Variants in SSB observed in about 807,000 individuals in gnomAD.
SSB encodes small RNA binding exonuclease protection factor La.
SSB carries 17 observed loss-of-function variants against 52.9 expected under a neutral mutation model. The ratio of observed to expected loss-of-function variants is 0.32; its 90% confidence interval spans 0.22 to 0.48. The LOEUF (loss-of-function observed/expected upper bound fraction) is 0.48, where lower values mean the gene tolerates loss of function less well. SSB is among the 20% of genes least tolerant of loss of function. The probability of loss-of-function intolerance (pLI) is 0.99; values close to 1 mark genes in which losing one functional copy is unlikely to be tolerated. For missense variants in SSB, 314 were observed against 463.6 expected (o/e 0.68, Z 2.96); for synonymous variants, 111 against 152.1 (o/e 0.73, Z 1.99).
At position 169,802,415 on chromosome 2, in the gene SSB, C is replaced by CT. The variant is rs753585547; in HGVS notation, c.66+1404dup. On this transcript the variant is annotated intron_variant, in intron 2 of 11. Coordinates refer to ENST00000260956, the MANE Select transcript of SSB (RefSeq NM_003142.5). ...GGTTTTTCTGCAATTCTCAGAACTGCTTTTTTTTTTTTTTTAAGCTGCACG... is the reference window on the plus strand; with the variant it reads ...GGTTTTTCTGCAATTCTCAGAACTGCTTTTTTTTTTTTTTTTAAGCTGCACG... Among the ~76,000 whole-genome samples the CT allele has an allele frequency of 1.0e-3, 142 of 137,224 alleles. 1 individual carries two copies. Among genetic ancestry groups the CT allele is most frequent in the South Asian group, 3.1e-3 (13 of 4,250 alleles). The allele number at this position is 137,224 out of a possible 152,430, so 90.0% of individuals were successfully genotyped here.
In SSB at chr2:169,807,007, G is replaced by T. The variant is rs1402256361; in HGVS notation, c.490G>T (p.Ala164Ser). The T allele has an allele frequency of 3.1e-6, 5 of 1,613,850 alleles. No individual in the cohort carries two copies. The highest frequency in any genetic ancestry group is 4.2e-6 in the Non-Finnish European group (5 of 1,179,954). The change falls in exon 6 of 12, where the codon GCT (alanine) becomes TCT (serine). Residue 164 changes from alanine (A) to serine (S), a missense_variant. Physicochemically the swap from Ala to Ser is moderately conservative, Grantham distance 99. Transcript: ENST00000260956. Reference sequence around the variant, plus strand: ...TGTTGTGTTTGATAGCATTGAATCTGCTAAGAAATTTGTAGAGACCCCTGG... The same window carrying T: ...TGTTGTGTTTGATAGCATTGAATCTTCTAAGAAATTTGTAGAGACCCCTGG... ...IFVVFDSIES[A>S]KKFVETPGQK...
At chr2:169,800,846 C>G (rs939269837) in intron 1 of SSB, 106 bp from the exon 2 acceptor site, 32 of 779,848 alleles carry the variant, frequency 4.1e-5, no homozygotes, top group Non-Finnish European at 6.0e-5. Flanking sequence ...AATAGAAATT[C>G]TTGATTTTTT....
At chr2:169,806,943 A>T (rs1435036504) in intron 5 of SSB, 28 bp from the exon 6 acceptor site, 1 of 1,609,642 alleles carries the variant, frequency 6.2e-7, no homozygotes, top group African/African-American at 1.3e-5. Context: ...GACATAACTT[A>T]AAAAAATATT....
chr2:169,800,845 T>A (rs1301288971), intron 1 of SSB, 107 bp from the exon 2 acceptor site: 18 of 766,038 alleles, frequency 2.3e-5, no homozygotes, highest in Non-Finnish European at 3.2e-5. Context: ...AAATAGAAAT[T>A]CTTGATTTTT....
At position 169,805,457 on chromosome 2, in the gene SSB, T is replaced by C. The variant is rs745686743; in HGVS notation, c.67-17T>C. On this transcript the variant is annotated splice_polypyrimidine_tract_variant and intron_variant, in intron 2 of 11. Transcript: ENST00000260956. ...ATATTATACAGTGTTCTGAAATACA[T>C]TGTAATTATCTCACAGTATTATTTT... is the stretch of plus-strand genomic sequence containing the variant. 3.3e-5 allele frequency: 52 copies of C among 1,566,658 alleles called. No homozygotes were observed. The highest frequency in any genetic ancestry group is 2.0e-4 in the South Asian group (18 of 89,960).
In SSB at chr2:169,808,883, T is replaced by C. The variant is rs76002866; in HGVS notation, c.650T>C (p.Leu217Ser). Reference sequence around the variant, plus strand: ...AGGGAGCAAGAAGCAAAACAAAAGTTAGAAGAAGATGCTGAAATGGTAAGT... The same window carrying C: ...AGGGAGCAAGAAGCAAAACAAAAGTCAGAAGAAGATGCTGAAATGGTAAGT... ...AKQEQEAKQK[L>S]EEDAEMKSLE... The change falls in exon 8 of 12, where the codon TTA (leucine) becomes TCA (serine). Residue 217 changes from leucine to serine, a missense_variant. Physicochemically the swap from Leu to Ser is moderately radical, Grantham distance 145. Transcript: ENST00000260956. 7.6e-4 allele frequency: 1,219 copies of C among 1,597,648 alleles called. 11 individuals carry two copies. In the African/African-American group the frequency reaches 0.015, roughly 19 times the overall value.
In SSB at chr2:169,805,524, G is replaced by A; in HGVS notation, c.117G>A (p.Gln39=). The A allele has an allele frequency of 6.2e-7, 1 of 1,613,978 alleles. No homozygotes were observed. Among genetic ancestry groups the A allele is most frequent in the East Asian group, 2.2e-5 (1 of 44,852 alleles). Reference sequence around the variant, plus strand: ...CACGGGACAAGTTTCTAAAGGAACAGATAAAACTGGATGAAGGCTGGGTAC... The same window carrying A: ...CACGGGACAAGTTTCTAAAGGAACAAATAAAACTGGATGAAGGCTGGGTAC... ...NLPRDKFLKE[Q]IKLDEGWVPL... Residue 39 remains glutamine (Q), a synonymous_variant, in exon 3 of 12, where the codon CAG becomes CAA. Transcript: ENST00000260956.
chr2:169,809,125 A>C, intron 8 of SSB: 2 of 519,836 alleles, frequency 3.8e-6, no homozygotes, highest in Middle Eastern at 9.4e-4. Flanking sequence ...CCACGCCTGT[A>C]ATCCCAGCAC....
At chr2:169,808,814 TTA>T in intron 7 of SSB, 44 bp from the exon 8 acceptor site, 1 of 1,412,934 alleles carries the variant, frequency 7.1e-7, no homozygotes, top group Admixed American at 1.8e-5. Context: ...CTTAATTTTC[TTA>T]TATAGTAAAT....
At chr2:169,805,944 C>A in intron 4 of SSB, 105 bp downstream of exon 4, 1 of 1,085,844 alleles carries the variant, frequency 9.2e-7, no homozygotes, top group Non-Finnish European at 1.4e-6. Flanking sequence ...ACTGTATGTC[C>A]TTTCGTAATA....
At position 169,811,313 on chromosome 2, in the gene SSB, T is replaced by C. The variant is rs767500767; in HGVS notation, c.1128T>C (p.Asn376=). The C allele has an allele frequency of 3.8e-6, 6 of 1,578,970 alleles. No homozygotes were observed. The highest frequency in any genetic ancestry group is 5.1e-6 in the Non-Finnish European group (6 of 1,169,024). Residue 376 remains asparagine, a synonymous_variant, in exon 11 of 12, where the codon AAT becomes AAC. Transcript: ENST00000260956. The part of the protein sequence containing the change: ...SDDEHDEHDE[N]GATGPVKRAR... ...ATGAACATGATGAACATGATGAAAA[T>C]GGTGCAACTGGTAAGTTTTTTTTAA...
rs73972625 is a variant in SSB at position 169,808,911 on chromosome 2, A to G, written c.669+9A>G. 6.0e-3 allele frequency: 9,597 copies of G among 1,595,414 alleles called. 463 individuals are homozygous for G. In the African/African-American group the frequency reaches 0.11, roughly 18 times the overall value. ...AAGAAGATGCTGAAATGGTAAGTAT[A>G]TATTACTGCTATCTAGTACATCTGT... is the stretch of plus-strand genomic sequence containing the variant. On this transcript the variant is annotated intron_variant, in intron 8 of 11. Transcript: ENST00000260956.
intron 6 of SSB, among the ~76,000 whole-genome samples, chr2:169,807,760 T>TTTAA (rs1553482596): frequency 1.5e-5 from 2 of 132,414 alleles, no homozygotes; most frequent in African/African-American, 5.5e-5. Flanking sequence ...TTTTTTTTTT[T>TTTAA]ACAGTACAAA....
Position 169,811,769 on chromosome 2 carries a change from A to T in SSB, c.*13A>T. 6.2e-7 allele frequency: 1 copy of T among 1,613,018 alleles called. No homozygotes were observed. Among genetic ancestry groups the T allele is most frequent in the Non-Finnish European group, 8.5e-7 (1 of 1,179,672 alleles). The stretch of plus-strand genomic sequence containing the variant: ...TGGAGACCAGTAGTTTAGTAAACCA[A>T]TTTTTTATTCATTTTAAATAGGTTT... On this transcript the variant is annotated 3_prime_UTR_variant, in exon 12 of 12. Coordinates refer to ENST00000260956, the MANE Select transcript of SSB (RefSeq NM_003142.5).
rs568710324 is a variant in SSB at position 169,811,284 on chromosome 2, GATGATGAAC to G, written c.1117_1125del (p.His373_Glu375del). On this transcript the variant is annotated inframe_deletion, in exon 11 of 12. Transcript: ENST00000260956. The stretch of plus-strand genomic sequence containing the variant: ...GGGCAAGAAAACGAAATTTGCTAGT[GATGATGAAC>G]ATGATGAACATGATGAAAATGGTGC... 6,608 of 1,609,030 alleles carry G rather than the reference GATGATGAAC, an allele frequency of 4.1e-3. 15 individuals carry two copies. Among genetic ancestry groups the G allele is most frequent in the Middle Eastern group, 9.4e-3 (57 of 6,044 alleles).
chr2:169,806,048 G>A (rs962741485), intron 4 of SSB: 5 of 597,830 alleles, frequency 8.4e-6, no homozygotes, highest in African/African-American at 7.3e-5. Context: ...ATGGCCCACT[G>A]CAGTCTTGAC....
Position 169,805,769 on chromosome 2 carries a change from C to T in SSB, c.275C>T (p.Ser92Phe). ...GAAGATAAAACTAAAATCAGAAGGT[C>T]TCCAAGCAAACCCCTACCTGAAGTG... The part of the protein sequence containing the change: ...ISEDKTKIRR[S>F]PSKPLPEVTD... The change falls in exon 4 of 12, where the codon TCT becomes TTT. Residue 92 changes from serine to phenylalanine, a missense_variant. Coordinates refer to ENST00000260956, the MANE Select transcript of SSB (RefSeq NM_003142.5). The T allele has an allele frequency of 1.2e-6, 2 of 1,613,986 alleles. No individual in the cohort carries two copies. The highest frequency in any genetic ancestry group is 1.7e-4 in the Middle Eastern group (1 of 6,060).
intron 9 of SSB, 46 bp from the exon 10 acceptor site, chr2:169,810,812 G>C: frequency 6.5e-7 from 1 of 1,539,490 alleles, no homozygotes; most frequent in South Asian, 1.2e-5. Flanking sequence ...TTAATTGTGG[G>C]ACTAAAAACC....
Position 169,810,854 on chromosome 2 carries a change from A to T in SSB, c.811-4A>T. On this transcript the variant is annotated splice_region_variant and splice_polypyrimidine_tract_variant and intron_variant, in intron 9 of 11. Transcript: ENST00000260956. The stretch of plus-strand genomic sequence containing the variant: ...ATGGCTTTTGTTTTCTGTCTCTGGT[A>T]TAGGGGATAATTCTATTTAAAGAAA... 1 of 1,600,096 alleles carries T rather than the reference A, an allele frequency of 6.2e-7. No homozygotes were observed. The highest frequency in any genetic ancestry group is 1.1e-5 in the South Asian group (1 of 87,236).
Sources: gnomAD v4.1 joint callset for allele counts (sites outside exome capture counted in the v4.1 genomes callset) on GRCh38, gnomAD v4.1.1 for gene constraint, MANE v1.5 for transcripts, NCBI Gene and HGNC (gene_info 2026-07-23, HGNC 2026-07-21) for gene names.